Variants in MSI2 observed in about 807,000 individuals in gnomAD.
MSI2 encodes musashi RNA binding protein 2, also known as RNA-binding protein Musashi homolog 2.
MSI2 carries 17 observed loss-of-function variants against 45.6 expected under a neutral mutation model. That is an observed-to-expected ratio of 0.37 (90% CI 0.26 to 0.56). MSI2 has a LOEUF of 0.56. MSI2 is among the 20% of genes least tolerant of loss of function. MSI2 has a pLI of 0.77. For synonymous variants in MSI2, 156 were observed against 158.2 expected, an observed-to-expected ratio of 0.99 and a Z score of 0.11; for missense variants, 293 against 444.2, an observed-to-expected ratio of 0.66 and a Z score of 3.06.
chr17:57,527,464 C>G (rs945472292), intron 6 of MSI2, among the ~76,000 whole-genome samples: 12 of 144,396 alleles, frequency 8.3e-5, no homozygotes, highest in African/African-American at 1.2e-4. Context: ...AGGTTACCGT[C>G]GGCGGGGGCT....
At chr17:57,268,704 C>T (rs1457214807) in intron 5 of MSI2, among the ~76,000 whole-genome samples, 8 of 151,986 alleles carry the variant, frequency 5.3e-5, no homozygotes, top group South Asian at 2.1e-4. Flanking sequence ...GGCATGGTGG[C>T]GGGCACCTGT....
At chr17:57,508,750 G>A (rs1326850595) in intron 6 of MSI2, among the ~76,000 whole-genome samples, 4 of 152,202 alleles carry the variant, frequency 2.6e-5, no homozygotes, top group Admixed American at 2.6e-4. Context: ...GCCTGGCCAA[G>A]GGGAGATAGG....
chr17:57,466,948 T>G (rs1210009769), intron 6 of MSI2, among the ~76,000 whole-genome samples: 1 of 152,198 alleles, frequency 6.6e-6, no homozygotes, highest in African/African-American at 2.4e-5. Flanking sequence ...GAGGGAATCT[T>G]GGCTGCTGTG....
chr17:57,536,526 G>A (rs985427318), intron 7 of MSI2, among the ~76,000 whole-genome samples: 2 of 152,164 alleles, frequency 1.3e-5, no homozygotes, highest in African/African-American at 4.8e-5. Context: ...CTTCCCTGCT[G>A]GCATTTTACC....
At position 57,401,457 on chromosome 17, in the gene MSI2, G is replaced by A. The variant is rs1474488773; in HGVS notation, c.391G>A (p.Glu131Lys). 1.1e-5 allele frequency: 17 copies of A among 1,613,948 alleles called. No homozygotes were observed. Among genetic ancestry groups the A allele is most frequent in the East Asian group, 2.2e-5 (1 of 44,890 alleles). ...AGTGGAAGATGTAAAGCAATATTTC[G>A]AGCAGTTTGGCAAGGTAAGCGCTGG... ...TVVEDVKQYF[E>K]QFGKVEDAML... Residue 131 changes from glutamate to lysine, a missense_variant, in exon 6 of 14, where the codon GAG becomes AAG. By Grantham distance (56) the Glu-to-Lys change is moderately conservative. Coordinates refer to ENST00000284073, the MANE Select transcript of MSI2 (RefSeq NM_138962.4).
chr17:57,298,972 C>T (rs781283443), intron 5 of MSI2, among the ~76,000 whole-genome samples: 7 of 152,238 alleles, frequency 4.6e-5, no homozygotes, highest in Non-Finnish European at 4.4e-5. Context: ...TCAGTGATCT[C>T]GGCTAGATCT....
At chr17:57,323,845 T>G (rs1170585430) in intron 5 of MSI2, among the ~76,000 whole-genome samples, 4 of 152,228 alleles carry the variant, frequency 2.6e-5, no homozygotes, top group African/African-American at 9.6e-5. Context: ...TTGCACGAAC[T>G]CATTATTTCC....
At chr17:57,637,141 A>G (rs1909896861) in intron 10 of MSI2, among the ~76,000 whole-genome samples, 1 of 152,136 alleles carries the variant, frequency 6.6e-6, no homozygotes, top group African/African-American at 2.4e-5. Flanking sequence ...GAGCTCCCTC[A>G]TGGCCAGCCC....
rs138531177 is a variant in MSI2 at position 57,464,958 on chromosome 17, C to T, written c.405+63487C>T. ...GCACTAGCCTCCCTGTTAAGTGGTG[C>T]GGCTTCCTTGCTTCCTGCTGACAGC... On this transcript the variant is annotated intron_variant, in intron 6 of 13. Coordinates refer to ENST00000284073, the MANE Select transcript of MSI2 (RefSeq NM_138962.4). Among the ~76,000 whole-genome samples, 516 of 152,302 alleles carry T rather than the reference C, an allele frequency of 3.4e-3. 9 individuals are homozygous for T. Among genetic ancestry groups the T allele is most frequent in the Admixed American group, 0.03 (458 of 15,284 alleles).
chr17:57,308,152 G>A (rs1912070232), intron 5 of MSI2, among the ~76,000 whole-genome samples: 1 of 152,104 alleles, frequency 6.6e-6, no homozygotes, highest in South Asian at 2.1e-4. Flanking sequence ...CAGAGGAGGA[G>A]TAATATCTGC....
At chr17:57,693,959 AAAG>A in the MSI2 span, among the ~76,000 whole-genome samples, 5 of 152,226 alleles carry the variant, frequency 3.3e-5, no homozygotes, top group East Asian at 1.9e-4. Context: ...ATGGATATCA[AAAG>A]AAGAATAGTA....
intron 6 of MSI2, among the ~76,000 whole-genome samples, chr17:57,462,785 G>A (rs1405195298): frequency 2.0e-5 from 3 of 152,262 alleles, no homozygotes; most frequent in Admixed American, 1.3e-4. Context: ...CATTAAGTCT[G>A]TAATGTGGCA....
chr17:57,556,829 C>T (rs377609443), intron 7 of MSI2, among the ~76,000 whole-genome samples: 1 of 152,226 alleles, frequency 6.6e-6, no homozygotes, highest in Non-Finnish European at 1.5e-5. Context: ...ATCCTCCCAA[C>T]AGTACTAATA....
At chr17:57,632,255 T>C in intron 10 of MSI2, 1 of 1,084,008 alleles carries the variant, frequency 9.2e-7, no homozygotes, top group South Asian at 4.3e-5. Flanking sequence ...GGGTTGCAGA[T>C]ACGTGACTTG....
rs2085680744 is a variant in MSI2, at chr17:57,483,127, A to G, written c.406-46549A>G. ...TAATATACTAATGATAATAAGTATT[A>G]GTGTTGTATTAGGAGGTAGATGCTA... On this transcript the variant is annotated intron_variant, in intron 6 of 13. Coordinates refer to ENST00000284073, the MANE Select transcript of MSI2 (RefSeq NM_138962.4). Among the ~76,000 whole-genome samples the G allele has an allele frequency of 2.0e-5, 3 of 152,204 alleles. No homozygotes were observed. In the South Asian group the frequency reaches 6.2e-4, roughly 32 times the overall value.
At chr17:57,439,423 A>G (rs921671552) in intron 6 of MSI2, among the ~76,000 whole-genome samples, 1 of 152,214 alleles carries the variant, frequency 6.6e-6, no homozygotes. Flanking sequence ...GAGATTAGAT[A>G]TTTGCGGGCA....
intron 5 of MSI2, among the ~76,000 whole-genome samples, chr17:57,350,255 T>TGTGTGTGTGTGTGTG (rs1567773707): frequency 1.3e-5 from 2 of 151,708 alleles, no homozygotes; most frequent in African/African-American, 4.9e-5. Context: ...TGTGTGTGTG[T>TGTGTGTGTGTGTGTG]TCATAGAAGG....
chr17:57,466,632 A>G (rs1406009541), intron 6 of MSI2, among the ~76,000 whole-genome samples: 1 of 152,206 alleles, frequency 6.6e-6, no homozygotes, highest in Admixed American at 6.5e-5. Context: ...TTTGCAGACT[A>G]GAAAGAGACT....
chr17:57,480,023 G>GC (rs1224441264), intron 6 of MSI2, among the ~76,000 whole-genome samples: 1 of 152,146 alleles, frequency 6.6e-6, no homozygotes, highest in African/African-American at 2.4e-5. Flanking sequence ...TGTCACCCAA[G>GC]CTGGAGTGCA....
Sources: allele counts gnomAD v4.1 joint callset (sites outside exome capture counted in the v4.1 genomes callset), GRCh38; gene constraint gnomAD v4.1.1; transcripts MANE v1.5; gene names NCBI Gene and HGNC (gene_info 2026-07-23, HGNC 2026-07-21).